GALNT13: variants seen among roughly 807,000 people sequenced by gnomAD.
GALNT13 encodes the protein UDP-GalNAc:polypeptide N-acetylgalactosaminyltransferase 13.
A neutral mutation model predicts 64.2 loss-of-function variants in GALNT13; 28 were observed. The ratio of observed to expected loss-of-function variants is 0.44; its 90% CI spans 0.32 to 0.60. The LOEUF (loss-of-function observed/expected upper bound fraction) is 0.60, where lower values mean the gene tolerates loss of function less well. Ranked by LOEUF, GALNT13 falls within the 20% of genes least tolerant of loss-of-function variation. The pLI is 0.05. For synonymous variants in GALNT13, 214 were observed against 224.6 expected (o/e 0.95, Z 0.42); for missense variants, 577 against 669.8 (o/e 0.86, Z 1.53).
At chr2:154,112,023 C>A (rs1327892418) in intron 3 of GALNT13, among the ~76,000 whole-genome samples, 1 of 152,182 alleles carries the variant, frequency 6.6e-6, no homozygotes, top group Non-Finnish European at 1.5e-5. Flanking sequence ...GTAGCCTTGG[C>A]AGAAGCATTG....
chr2:153,933,124 G>A (rs945844691), intron 2 of GALNT13, among the ~76,000 whole-genome samples: 2 of 152,096 alleles, frequency 1.3e-5, no homozygotes, highest in East Asian at 3.9e-4. Flanking sequence ...TTCTGTATAT[G>A]TCTGTTAGGT....
chr2:153,582,959 T>C, the GALNT13 span, among the ~76,000 whole-genome samples: 1 of 152,200 alleles, frequency 6.6e-6, no homozygotes, highest in Non-Finnish European at 1.5e-5. Flanking sequence ...ATTTGGCATA[T>C]AGATGTGGAG....
intron 4 of GALNT13, among the ~76,000 whole-genome samples, chr2:154,229,586 A>C (rs1688809254): frequency 6.6e-6 from 1 of 152,134 alleles, no homozygotes; most frequent in Admixed American, 6.6e-5. Context: ...TATAAAATTT[A>C]CTGGGAGATG....
At chr2:154,314,497 G>A (rs575842120) in intron 9 of GALNT13, among the ~76,000 whole-genome samples, 16 of 152,186 alleles carry the variant, frequency 1.1e-4, no homozygotes, top group Admixed American at 1.0e-3. Flanking sequence ...AATTTAAAAA[G>A]AAAAAAGGTT....
chr2:153,841,071 T>C, the GALNT13 span, among the ~76,000 whole-genome samples: 2 of 152,234 alleles, frequency 1.3e-5, no homozygotes, highest in East Asian at 1.9e-4. Flanking sequence ...CTTGTCAAAA[T>C]TGGCAAGGTT....
intron 11 of GALNT13, chr2:154,437,460 T>G: frequency 1.0e-6 from 1 of 988,992 alleles, no homozygotes; most frequent in South Asian, 1.6e-5. Context: ...TTTCTCATTA[T>G]GTATTCTGTT....
chr2:153,514,293 T>C, the GALNT13 span, among the ~76,000 whole-genome samples: 1 of 152,336 alleles, frequency 6.6e-6, no homozygotes, highest in Admixed American at 6.5e-5. Flanking sequence ...TCGGTGACTA[T>C]ATTTCTCAAG....
chr2:153,601,253 T>C, the GALNT13 span, among the ~76,000 whole-genome samples: 1 of 151,784 alleles, frequency 6.6e-6, no homozygotes, highest in Non-Finnish European at 1.5e-5. Flanking sequence ...CCTTAATCAT[T>C]GATGAGTTTT....
the GALNT13 span, among the ~76,000 whole-genome samples, chr2:153,483,752 G>A: frequency 6.6e-6 from 1 of 152,118 alleles, no homozygotes; most frequent in African/African-American, 2.4e-5. Flanking sequence ...CAACATGTAT[G>A]AACCTTGAAG....
At chr2:153,178,189 G>A in the GALNT13 span, among the ~76,000 whole-genome samples, 74 of 152,284 alleles carry the variant, frequency 4.9e-4, no homozygotes, top group African/African-American at 1.7e-3. Flanking sequence ...ATATCTCTTT[G>A]ACATACTGAC....
intron 3 of GALNT13, among the ~76,000 whole-genome samples, chr2:154,123,948 A>C (rs982291917): frequency 6.6e-6 from 1 of 152,094 alleles, no homozygotes; most frequent in African/African-American, 2.4e-5. Flanking sequence ...CAGTGTTTAC[A>C]TGGGTATATA....
At chr2:154,224,579 A>T (rs1254726847) in intron 4 of GALNT13, among the ~76,000 whole-genome samples, 7 of 152,112 alleles carry the variant, frequency 4.6e-5, no homozygotes, top group Admixed American at 2.6e-4. Context: ...AGGAGCATGG[A>T]TAGACAAAAT....
At chr2:153,300,282 C>T in the GALNT13 span, among the ~76,000 whole-genome samples, 2 of 152,210 alleles carry the variant, frequency 1.3e-5, no homozygotes, top group African/African-American at 2.4e-5. Flanking sequence ...GAATTTTTCT[C>T]ACTCTCTCAG....
the GALNT13 span, among the ~76,000 whole-genome samples, chr2:153,114,870 T>C: frequency 1.3e-5 from 2 of 151,630 alleles, no homozygotes; most frequent in Non-Finnish European, 2.9e-5. Context: ...CAGTATAGCA[T>C]AGTAGTTAAA....
the GALNT13 span, among the ~76,000 whole-genome samples, chr2:153,268,714 T>A: frequency 6.6e-6 from 1 of 152,252 alleles, no homozygotes; most frequent in East Asian, 1.9e-4. Flanking sequence ...TTCAGGTGTT[T>A]CCATACATCC....
intron 3 of GALNT13, among the ~76,000 whole-genome samples, chr2:154,041,888 G>A (rs1699001955): frequency 7.2e-6 from 1 of 139,666 alleles, no homozygotes; most frequent in Non-Finnish European, 1.6e-5. Context: ...TGTGCAATCT[G>A]TTACACCAAC....
At chr2:153,662,410 G>A in the GALNT13 span, among the ~76,000 whole-genome samples, 20 of 152,214 alleles carry the variant, frequency 1.3e-4, no homozygotes, top group African/African-American at 4.6e-4. Context: ...ATTAATCCCA[G>A]TAATCTCCAT....
intron 11 of GALNT13, among the ~76,000 whole-genome samples, chr2:154,425,005 C>G (rs707058): frequency 0.95 from 144,067 of 152,304 alleles, 68,320 homozygotes; most frequent in African/African-American, 0.97. Flanking sequence ...GGTAATAATT[C>G]CAAGGTAAAT....
intron 3 of GALNT13, among the ~76,000 whole-genome samples, chr2:153,973,783 T>G (rs1693897233): frequency 6.6e-6 from 1 of 151,982 alleles, no homozygotes; most frequent in Non-Finnish European, 1.5e-5. Context: ...TTGAAGATAT[T>G]TAAGTAAGTT....
Sources: gnomAD v4.1 joint callset for allele counts (sites outside exome capture counted in the v4.1 genomes callset) on GRCh38, gnomAD v4.1.1 for gene constraint, MANE v1.5 for transcripts, NCBI Gene and HGNC (gene_info 2026-07-23, HGNC 2026-07-21) for gene names.